Variants in TET3 observed in about 807,000 individuals in gnomAD.
The protein encoded by TET3 is tet methylcytosine dioxygenase 3, also known as methylcytosine dioxygenase TET3.
In TET3, 19 loss-of-function variants were observed where a neutral mutation model predicts 141.4. The observed-to-expected ratio is 0.13, with a 90% confidence interval of 0.09 to 0.20. TET3 has a LOEUF of 0.20. TET3 is among the 10% of genes least tolerant of loss of function. The pLI, the probability that TET3 is intolerant of heterozygous loss-of-function variation, is 1.00. For synonymous variants in TET3, 1,043 were observed against 980.9 expected (o/e 1.06, Z -1.18); for missense variants, 1,874 against 2,356.9 (o/e 0.80, Z 4.24).
chr2:74,086,019 G>A (rs181800009), intron 6 of TET3, among the ~76,000 whole-genome samples: 203 of 152,224 alleles, frequency 1.3e-3, no homozygotes, highest in African/African-American at 3.0e-3. Flanking sequence ...TGGTCTCCCC[G>A]TCTTGCCCTT....
At chr2:74,127,144 C>T in the TET3 span, among the ~76,000 whole-genome samples, 2 of 152,284 alleles carry the variant, frequency 1.3e-5, no homozygotes, top group Non-Finnish European at 2.9e-5. Context: ...TGGCTCATCT[C>T]ATAAACTCAA....
chr2:74,018,809 G>A (rs895421260), intron 3 of TET3, among the ~76,000 whole-genome samples: 4 of 148,500 alleles, frequency 2.7e-5, no homozygotes, highest in Non-Finnish European at 4.4e-5. Flanking sequence ...CATGTTCTGC[G>A]AAAAATACTG....
intron 3 of TET3, among the ~76,000 whole-genome samples, chr2:74,016,581 G>A (rs558223112): frequency 7.9e-5 from 12 of 152,154 alleles, no homozygotes; most frequent in East Asian, 3.9e-4. Context: ...AATTAGCCAG[G>A]CGTGGTGGTG....
chr2:74,075,078 G>A (rs971165158), intron 5 of TET3, among the ~76,000 whole-genome samples: 1 of 152,064 alleles, frequency 6.6e-6, no homozygotes, highest in African/African-American at 2.4e-5. Flanking sequence ...CACCGTGTTA[G>A]CCAGGATGGT....
the TET3 span, among the ~76,000 whole-genome samples, chr2:74,122,641 G>T: frequency 1.9e-3 from 258 of 133,264 alleles, 13 homozygotes; most frequent in East Asian, 0.045. Context: ...AGCCTCCCAA[G>T]TAGCTGGGAC....
intron 3 of TET3, among the ~76,000 whole-genome samples, chr2:74,029,744 A>T (rs994795364): frequency 1.3e-5 from 2 of 152,174 alleles, no homozygotes; most frequent in Non-Finnish European, 2.9e-5. Flanking sequence ...TCTGTTCCTT[A>T]TTCTATGCCT....
intron 4 of TET3, among the ~76,000 whole-genome samples, chr2:74,061,730 C>T (rs1414797509): frequency 2.7e-5 from 4 of 148,236 alleles, no homozygotes; most frequent in African/African-American, 1.0e-4. Context: ...AGGGGCTCCT[C>T]ACTTCTCAGA....
intron 4 of TET3, among the ~76,000 whole-genome samples, chr2:74,072,151 C>G (rs1689243192): frequency 6.6e-6 from 1 of 152,152 alleles, no homozygotes; most frequent in Non-Finnish European, 1.5e-5. Context: ...TATAGATTTA[C>G]CTATTCTGAG....
chr2:74,119,935 A>G, the TET3 span, among the ~76,000 whole-genome samples: 1 of 152,260 alleles, frequency 6.6e-6, no homozygotes, highest in Non-Finnish European at 1.5e-5. Flanking sequence ...ACAAAATTCA[A>G]CCAACGGCAG....
chr2:74,123,323 T>C, the TET3 span: 2 of 152,194 alleles, frequency 1.3e-5, no homozygotes, highest in Admixed American at 6.5e-5. Flanking sequence ...TCTGTCTCAA[T>C]GAATAAATAA....
chr2:74,094,319 G>A (rs1233169476), intron 10 of TET3, among the ~76,000 whole-genome samples: 1 of 152,182 alleles, frequency 6.6e-6, no homozygotes, highest in African/African-American at 2.4e-5. Flanking sequence ...GGAGCAGGCT[G>A]GGTGTGTGTT....
chr2:74,118,772 CAA>C, the TET3 span, among the ~76,000 whole-genome samples: 1 of 152,104 alleles, frequency 6.6e-6, no homozygotes, highest in Non-Finnish European at 1.5e-5. Context: ...TTGCAGACAT[CAA>C]GACACTTCTC....
chr2:74,087,767 G>T lies in TET3; in HGVS notation c.2680-63G>T. ...CTGGGTCTGTGTGACAAAGGGAGGG[G>T]TGGCACCATGCAGAGGAGCACGGGT... On this transcript the variant is annotated intron_variant, in intron 6 of 11. Coordinates refer to ENST00000409262, the MANE Select transcript of TET3 (RefSeq NM_001287491.2). The surrounding 1 kb of genome is among the most constrained non-coding windows in gnomAD (Gnocchi z 4.3). 10 of 1,466,572 alleles carry T rather than the reference G, an allele frequency of 6.8e-6. 2 individuals carry two copies. In the South Asian group the frequency reaches 1.4e-4, roughly 20 times the overall value. The allele number at this position is 1,466,572 out of a possible 1,614,324, so 90.8% of individuals were successfully genotyped here.
chr2:74,036,747 T>A lies in TET3; in HGVS notation c.361-9531T>A, dbSNP rs191209572. ...ATAAGAGGGTTCCATCAGAGTCACG[T>A]AGAGACTTTTCCTGGTTCCTTCTTT... On this transcript the variant is annotated intron_variant, in intron 3 of 11. Transcript: ENST00000409262. 1.4e-3 allele frequency among the ~76,000 whole-genome samples: 212 copies of A among 152,356 alleles called. 1 individual carries two copies. Among genetic ancestry groups the A allele is most frequent in the Non-Finnish European group, 2.5e-3 (167 of 68,030 alleles).
rs200580627 is a variant in TET3 at position 74,046,404 on chromosome 2, G to T, written c.487G>T (p.Ala163Ser). ...GVPVNGAREP[A>S]GPSLLGTGGP... The stretch of plus-strand genomic sequence containing the variant: ...GCCGGTCAATGGTGCTAGAGAGCCC[G>T]CTGGACCCAGTCTGCTGGGGACTGG... The change falls in exon 4 of 12, where the codon GCT becomes TCT. Residue 163 changes from alanine (A) to serine (S), a missense_variant. By Grantham distance (99) the Ala-to-Ser change is moderately conservative. Coordinates refer to ENST00000409262, the MANE Select transcript of TET3 (RefSeq NM_001287491.2). This position sits in a 1 kb window ranked among gnomAD's most constrained non-coding sequence, Gnocchi z 4.3. 6 of 1,574,548 alleles carry T rather than the reference G, an allele frequency of 3.8e-6. No homozygotes were observed. The Admixed American group carries it at 1.1e-4, about 29-fold the overall frequency.
At chr2:74,024,199 A>C (rs2105259514) in intron 3 of TET3, among the ~76,000 whole-genome samples, 1 of 152,324 alleles carries the variant, frequency 6.6e-6, no homozygotes, top group South Asian at 2.1e-4. Context: ...TTCAGTTAGC[A>C]AGGGCTTGAA....
chr2:74,026,610 G>T (rs1351510887), intron 3 of TET3, among the ~76,000 whole-genome samples: 2 of 151,996 alleles, frequency 1.3e-5, no homozygotes, highest in African/African-American at 2.4e-5. Context: ...AACATGATTT[G>T]TTTTTTAACA....
the TET3 span, chr2:74,122,486 CATACAT>C: frequency 1.2e-4 from 11 of 89,360 alleles, 1 homozygote; most frequent in South Asian, 6.1e-4. Flanking sequence ...TATATAAATA[CATACAT>C]ATATATATAT....
chr2:74,028,702 A>G (rs1686514006), intron 3 of TET3, among the ~76,000 whole-genome samples: 1 of 152,246 alleles, frequency 6.6e-6, no homozygotes, highest in Admixed American at 6.5e-5. Flanking sequence ...GATGTACATC[A>G]GTTATCTTCA....
Sources: gnomAD v4.1 joint callset for allele counts (sites outside exome capture counted in the v4.1 genomes callset) on GRCh38, gnomAD v4.1.1 for gene constraint, Gnocchi (gnomAD v3.1) non-coding constraint, MANE v1.5 for transcripts, NCBI Gene and HGNC (gene_info 2026-07-23, HGNC 2026-07-21) for gene names.